The following SHOC2 variants were observed in gnomAD, a reference collection of about 807,000 sequenced individuals.
SHOC2 encodes the protein leucine-rich repeat protein SHOC-2.
A neutral mutation model predicts 50.2 loss-of-function variants in SHOC2; 4 were observed. The ratio of observed to expected loss-of-function variants is 0.08; its 90% CI spans 0.04 to 0.18. SHOC2 has a LOEUF of 0.18. SHOC2 is among the 10% of genes least tolerant of loss of function. SHOC2 has a pLI of 1.00. For synonymous variants in SHOC2, 218 were observed against 244.5 expected, an observed-to-expected ratio of 0.89 and a Z score of 1.01; for missense variants, 388 against 669.6, an observed-to-expected ratio of 0.58 and a Z score of 4.64.
Position 110,919,607 on chromosome 10 carries a change from G to A in SHOC2, c.-285G>A, listed in dbSNP as rs1265031129. On this transcript the variant is annotated 5_prime_UTR_variant, in exon 1 of 9. Transcript: ENST00000369452. The stretch of plus-strand genomic sequence containing the variant: ...CGTCGCTTCTTAGGAGGAGGAGGAA[G>A]AGGAGGAAGGAGGGCGAGCGAGGAG... The A allele has an allele frequency of 5.0e-6, 2 of 398,216 alleles. No individual in the cohort carries two copies. Among genetic ancestry groups the A allele is most frequent in the African/African-American group, 2.1e-5 (1 of 48,380 alleles). 24.7% of individuals were successfully genotyped at this position (398,216 alleles called of 1,614,324 possible).
chr10:110,953,727 C>T (rs1056080082), intron 1 of SHOC2, among the ~76,000 whole-genome samples: 4 of 150,304 alleles, frequency 2.7e-5, no homozygotes, highest in East Asian at 3.9e-4. Flanking sequence ...CACACACACA[C>T]GTGTATATAT....
In SHOC2 at chr10:110,974,530, G is replaced by A. The variant is rs1219657305; in HGVS notation, c.703+9469G>A. On this transcript the variant is annotated intron_variant, in intron 2 of 8. Coordinates refer to ENST00000369452, the MANE Select transcript of SHOC2 (RefSeq NM_007373.4). Reference sequence around the variant, plus strand: ...GGGTTTTGTAAACAGCATATAGTTAGGTCTTGTGTTTCTATCCTGCCTGAC... The same window carrying A: ...GGGTTTTGTAAACAGCATATAGTTAAGTCTTGTGTTTCTATCCTGCCTGAC... 2.0e-5 allele frequency among the ~76,000 whole-genome samples: 3 copies of A among 151,810 alleles called. No individual in the cohort carries two copies. In the East Asian group the frequency reaches 5.8e-4, roughly 29 times the overall value.
At chr10:110,978,527 T>C (rs1847916624) in intron 2 of SHOC2, among the ~76,000 whole-genome samples, 1 of 152,206 alleles carries the variant, frequency 6.6e-6, no homozygotes, top group Non-Finnish European at 1.5e-5. Flanking sequence ...GTTATAGCCC[T>C]TTTGGAATTT....
chr10:110,919,524 G>GGGGA, upstream of SHOC2: 1 of 387,514 alleles, frequency 2.6e-6, no homozygotes, highest in East Asian at 3.6e-5. Context: ...GAGTAGTGGC[G>GGGGA]GGGCGGGCGG....
At chr10:110,924,172 C>T (rs562943932) in intron 1 of SHOC2, among the ~76,000 whole-genome samples, 4 of 152,314 alleles carry the variant, frequency 2.6e-5, no homozygotes, top group Admixed American at 6.5e-5. Flanking sequence ...CATGGAACTT[C>T]TGCTGAATGC....
intron 1 of SHOC2, among the ~76,000 whole-genome samples, chr10:110,933,775 C>G (rs933383513): frequency 6.6e-6 from 1 of 152,184 alleles, no homozygotes; most frequent in African/African-American, 2.4e-5. Flanking sequence ...AGCCTAGACA[C>G]TGCACTCCAG....
At chr10:111,006,617 G>A (rs534700426) in intron 5 of SHOC2, among the ~76,000 whole-genome samples, 17 of 152,184 alleles carry the variant, frequency 1.1e-4, no homozygotes, top group Admixed American at 3.3e-4. Context: ...TGATCCGCCC[G>A]CCTCGGCCTC....
Position 111,012,109 on chromosome 10 carries a change from A to G in SHOC2, c.*291A>G. ...ACACATTATGAAGTTATTAAATTTA[A>G]GGGACAGAGGTAGTATAGTTAGATA... On this transcript the variant is annotated 3_prime_UTR_variant, in exon 9 of 9. Coordinates refer to ENST00000369452, the MANE Select transcript of SHOC2 (RefSeq NM_007373.4). 1 of 384,770 alleles carries G rather than the reference A, an allele frequency of 2.6e-6. No homozygotes were observed. The highest frequency in any genetic ancestry group is 2.7e-5 in the South Asian group (1 of 36,798). The allele number at this position is 384,770 out of a possible 1,614,324, so 23.8% of individuals were successfully genotyped here.
intron 1 of SHOC2, among the ~76,000 whole-genome samples, chr10:110,951,421 A>T (rs1847349266): frequency 6.6e-6 from 1 of 152,102 alleles, no homozygotes. Context: ...AGAGAATAGA[A>T]CTCTTTTACA....
intron 1 of SHOC2, among the ~76,000 whole-genome samples, chr10:110,946,500 T>G (rs1847249102): frequency 1.3e-5 from 2 of 151,256 alleles, no homozygotes; most frequent in Non-Finnish European, 2.9e-5. Context: ...TTTTATGAGG[T>G]AGTAAATGTT....
intron 2 of SHOC2, among the ~76,000 whole-genome samples, chr10:110,982,076 G>T (rs1474755661): frequency 2.9e-5 from 4 of 139,016 alleles, no homozygotes; most frequent in Non-Finnish European, 4.6e-5. Context: ...TCATTGTTCA[G>T]TTCCCACCTA....
At chr10:110,973,623 C>A (rs189130085) in intron 2 of SHOC2, among the ~76,000 whole-genome samples, 1 of 152,082 alleles carries the variant, frequency 6.6e-6, no homozygotes, top group Admixed American at 6.5e-5. Context: ...AGTATTATTT[C>A]CTCCTTAAAT....
intron 1 of SHOC2, among the ~76,000 whole-genome samples, chr10:110,957,539 C>CG (rs1309440655): frequency 4.6e-5 from 7 of 150,802 alleles, no homozygotes; most frequent in Middle Eastern, 3.4e-3. Context: ...GATACCCCCC[C>CG]CCCAGCCCAC....
Position 110,941,751 on chromosome 10 carries a change from G to A in SHOC2, c.-235+22094G>A, listed in dbSNP as rs187509539. Among the ~76,000 whole-genome samples the A allele has an allele frequency of 2.8e-3, 424 of 152,054 alleles. 1 individual carries two copies. Among genetic ancestry groups the A allele is most frequent in the African/African-American group, 1.0e-2 (414 of 41,458 alleles). ...TTCTCTTAACAGGATCATTTGTGGG[G>A]CAAAACTTTTTAATTTCGATGAAGT... is the stretch of plus-strand genomic sequence containing the variant. On this transcript the variant is annotated intron_variant, in intron 1 of 8. Coordinates refer to ENST00000369452, the MANE Select transcript of SHOC2 (RefSeq NM_007373.4).
chr10:111,011,800 A>G lies in SHOC2; in HGVS notation c.1731A>G (p.Pro577=), dbSNP rs370929606. 87 of 1,613,650 alleles carry G rather than the reference A, an allele frequency of 5.4e-5. No homozygotes were observed. The highest frequency in any genetic ancestry group is 6.9e-5 in the Non-Finnish European group (81 of 1,179,712). The part of the protein sequence containing the change: ...FIIQFLKMQG[P]YRAMV ...TTCAGTTCTTAAAGATGCAGGGTCC[A>G]TATCGTGCCATGGTCTGATATAAAT... is the stretch of plus-strand genomic sequence containing the variant. Residue 577 remains proline (P), a synonymous_variant, in exon 9 of 9, where the codon CCA becomes CCG. Coordinates refer to ENST00000369452, the MANE Select transcript of SHOC2 (RefSeq NM_007373.4).
At chr10:111,004,838 G>T (rs1423032378) in intron 5 of SHOC2, 44 bp downstream of exon 5, 1 of 1,244,432 alleles carries the variant, frequency 8.0e-7, no homozygotes. Context: ...TGCTTTAATT[G>T]GTACTTCCAC....
intron 1 of SHOC2, among the ~76,000 whole-genome samples, chr10:110,954,432 T>G (rs1847418006): frequency 6.6e-6 from 1 of 152,180 alleles, no homozygotes; most frequent in Non-Finnish European, 1.5e-5. Context: ...AGGGGTAGTA[T>G]CAGCTAGCTT....
intron 1 of SHOC2, among the ~76,000 whole-genome samples, chr10:110,928,676 G>A (rs1393671342): frequency 1.3e-5 from 2 of 151,446 alleles, no homozygotes; most frequent in Admixed American, 6.6e-5. Flanking sequence ...CAGATGGATC[G>A]CTTGACTCAC....
intron 3 of SHOC2, among the ~76,000 whole-genome samples, chr10:110,991,125 A>C (rs975322169): frequency 6.6e-6 from 1 of 152,158 alleles, no homozygotes; most frequent in Non-Finnish European, 1.5e-5. Flanking sequence ...TTTATTATTT[A>C]ATATTTTTAT....
Sources: allele counts gnomAD v4.1 joint callset (sites outside exome capture counted in the v4.1 genomes callset), GRCh38; gene constraint gnomAD v4.1.1; transcripts MANE v1.5; gene names NCBI Gene and HGNC (gene_info 2026-07-23, HGNC 2026-07-21).